Variants in MKNK1 observed in about 807,000 individuals in gnomAD.
MKNK1 encodes the protein MAP kinase-interacting serine/threonine-protein kinase 1.
A neutral mutation model predicts 49.3 loss-of-function variants in MKNK1; 30 were observed. The observed-to-expected ratio is 0.61, with a 90% CI of 0.46 to 0.83. The LOEUF is 0.83. Ranked by LOEUF, MKNK1 falls within the 40% of genes least tolerant of loss-of-function variation. The pLI, the probability that MKNK1 is intolerant of heterozygous loss-of-function variation, is 0.00. For missense variants in MKNK1, 423 were observed against 524.7 expected (o/e 0.81, Z 1.89); for synonymous variants, 176 against 201.7 (o/e 0.87, Z 1.08).
intron 9 of MKNK1, among the ~76,000 whole-genome samples, chr1:46,563,853 G>A (rs929063292): frequency 6.8e-6 from 1 of 146,034 alleles, no homozygotes; most frequent in African/African-American, 2.5e-5. Context: ...AGACCATCCT[G>A]GCTAACATGG....
intron 5 of MKNK1, 60 bp downstream of exon 5, chr1:46,576,515 C>T: frequency 2.9e-6 from 4 of 1,391,530 alleles, no homozygotes; most frequent in Non-Finnish European, 4.1e-6. Context: ...TAAGAAATAG[C>T]CTCCTCTTCT....
At chr1:46,576,491 G>A in intron 5 of MKNK1, 84 bp downstream of exon 5, 1 of 1,125,184 alleles carries the variant, frequency 8.9e-7, no homozygotes, top group Non-Finnish European at 1.4e-6. Flanking sequence ...CTAAATGCTG[G>A]AGTCAGGAGA....
chr1:46,564,622 G>A (rs1360790047), intron 9 of MKNK1, among the ~76,000 whole-genome samples: 2 of 151,706 alleles, frequency 1.3e-5, no homozygotes, highest in Non-Finnish European at 1.5e-5. Flanking sequence ...GATTACAGGT[G>A]CGCGCCACCA....
chr1:46,593,229 C>T (rs751372608), intron 2 of MKNK1, among the ~76,000 whole-genome samples: 3 of 152,170 alleles, frequency 2.0e-5, no homozygotes, highest in African/African-American at 4.8e-5. Flanking sequence ...GCTACGGTCT[C>T]GCTCTGTCAT....
In MKNK1 at chr1:46,576,696, T is replaced by G. The variant is rs764302152; in HGVS notation, c.199-42A>C. Reference sequence around the variant, plus strand: ...ATCTGTCATGTACACCCACCTGACTTCCAAACAGCCCTTTGGCAGGAGTCC... The same window carrying G: ...ATCTGTCATGTACACCCACCTGACTGCCAAACAGCCCTTTGGCAGGAGTCC... On this transcript the variant is annotated intron_variant, in intron 4 of 12. Coordinates refer to ENST00000371945, the MANE Select transcript of MKNK1 (RefSeq NM_001135553.4). 7 of 1,541,486 alleles carry G rather than the reference T, an allele frequency of 4.5e-6. No individual in the cohort carries two copies. In the African/African-American group the frequency reaches 9.5e-5, roughly 21 times the overall value.
intron 3 of MKNK1, chr1:46,582,856 C>A (rs1431905243): frequency 2.1e-6 from 1 of 476,008 alleles, no homozygotes; most frequent in Non-Finnish European, 4.2e-6. Context: ...TTTGGTGTTT[C>A]TCTCTTCCTC....
intron 11 of MKNK1, 119 bp from the exon 12 acceptor site, chr1:46,560,396 C>CT: frequency 9.3e-7 from 1 of 1,077,522 alleles, no homozygotes; most frequent in Non-Finnish European, 1.4e-6. Context: ...AGGGAAATGG[C>CT]TATGCTTGCT....
At chr1:46,584,830 G>C (rs1397084348) in intron 2 of MKNK1, 2 of 152,162 alleles carry the variant, frequency 1.3e-5, no homozygotes, top group Non-Finnish European at 2.9e-5. Context: ...TTAAATTATA[G>C]TTTAGAATGG....
chr1:46,599,337 G>A (rs1674450932), intron 1 of MKNK1, among the ~76,000 whole-genome samples: 2 of 152,150 alleles, frequency 1.3e-5, no homozygotes. Context: ...GTGCCAAACA[G>A]GCTGCCTCCC....
intron 1 of MKNK1, chr1:46,594,911 C>T (rs1257914602): frequency 2.6e-6 from 1 of 383,632 alleles, no homozygotes; most frequent in Non-Finnish European, 5.2e-6. Flanking sequence ...TGCTTGAGCC[C>T]AGGAGGTCGA....
chr1:46,599,962 TC>T (rs1674527914), intron 1 of MKNK1, among the ~76,000 whole-genome samples: 9 of 83,474 alleles, frequency 1.1e-4, no homozygotes. Context: ...TCGGCTTACT[TC>T]TTCTCCTCAC....
rs1673063591 is a variant in MKNK1, at chr1:46,589,574, CTG to C, written c.-3+4537_-3+4538del. On this transcript the variant is annotated intron_variant, in intron 2 of 12. Coordinates refer to ENST00000371945, the MANE Select transcript of MKNK1 (RefSeq NM_001135553.4). This position sits in a 1 kb window ranked among gnomAD's most constrained non-coding sequence, Gnocchi z 4.3. ...TGCATGTTTCGTCTCTTTGTAAAAC[CTG>C]TGAGTGAACGAGCACTGATGGTACT... is the stretch of plus-strand genomic sequence containing the variant. Among the ~76,000 whole-genome samples, 1 of 152,198 alleles carries C rather than the reference CTG, an allele frequency of 6.6e-6. No homozygotes were observed. Among genetic ancestry groups the C allele is most frequent in the Admixed American group, 6.5e-5 (1 of 15,286 alleles).
In MKNK1 at chr1:46,564,395, G is replaced by C. The variant is rs1049750240; in HGVS notation, c.609+646C>G. Among the ~76,000 whole-genome samples, 17 of 151,610 alleles carry C rather than the reference G, an allele frequency of 1.1e-4. 1 individual carries two copies. The highest frequency in any genetic ancestry group is 3.9e-4 in the African/African-American group (16 of 41,234). ...ACTACCCAAATGCTCATATGCAAAA[G>C]GGCTGGCCTGGGAGTAGGGTCCATT... On this transcript the variant is annotated intron_variant, in intron 9 of 12. Coordinates refer to ENST00000371945, the MANE Select transcript of MKNK1 (RefSeq NM_001135553.4).
At chr1:46,562,513 G>A (rs947686013) in intron 10 of MKNK1, 136 bp downstream of exon 10, 55 of 1,009,416 alleles carry the variant, frequency 5.4e-5, no homozygotes, top group Admixed American at 2.3e-4. Flanking sequence ...TGTGGCCACC[G>A]TGACAGGAGC....
At position 46,584,228 on chromosome 1, in the gene MKNK1, C is replaced by T. The variant is rs1002422868; in HGVS notation, c.-2-899G>A. 7.9e-5 allele frequency among the ~76,000 whole-genome samples: 12 copies of T among 152,336 alleles called. 1 individual carries two copies. The highest frequency in any genetic ancestry group is 5.9e-4 in the Admixed American group (9 of 15,302). On this transcript the variant is annotated intron_variant, in intron 2 of 12. Transcript: ENST00000371945. ...CCCAATCACAGTCCTGTTTCTAAGA[C>T]ACTCTAGTATGGGCCTTTCCCTGTT...
chr1:46,566,601 C>T (rs1164962153), intron 8 of MKNK1, among the ~76,000 whole-genome samples: 1 of 152,218 alleles, frequency 6.6e-6, no homozygotes, highest in Non-Finnish European at 1.5e-5. Flanking sequence ...ATAATCTCAC[C>T]AGCAATGTAT....
intron 1 of MKNK1, among the ~76,000 whole-genome samples, chr1:46,600,921 C>CT (rs531523577): frequency 0.013 from 1,924 of 146,322 alleles, 23 homozygotes; most frequent in African/African-American, 0.03. Flanking sequence ...CTTGTGTAAT[C>CT]TTTTTTTTTT....
chr1:46,565,243 C>G, intron 8 of MKNK1, 107 bp from the exon 9 acceptor site: 1 of 1,002,196 alleles, frequency 1.0e-6, no homozygotes, highest in South Asian at 1.3e-5. Flanking sequence ...CACACCGCAG[C>G]TGGTTTTGTC....
chr1:46,586,039 C>T, intron 2 of MKNK1: 1 of 747,088 alleles, frequency 1.3e-6, no homozygotes, highest in Non-Finnish European at 2.1e-6. Flanking sequence ...TCCCTGGTTA[C>T]ACAGGGGGAA....
Sources: gnomAD v4.1 joint callset for allele counts (sites outside exome capture counted in the v4.1 genomes callset) on GRCh38, gnomAD v4.1.1 for gene constraint, Gnocchi (gnomAD v3.1) non-coding constraint, MANE v1.5 for transcripts, NCBI Gene and HGNC (gene_info 2026-07-23, HGNC 2026-07-21) for gene names.